TAF4B: variants seen among roughly 807,000 people sequenced by gnomAD.
TAF4B encodes TATA-box binding protein associated factor 4b, also known as transcription initiation factor TFIID subunit 4B.
TAF4B carries 38 observed loss-of-function variants against 86.4 expected under a neutral mutation model. That is an observed-to-expected ratio of 0.44 (90% CI 0.34 to 0.58). The LOEUF is 0.58. TAF4B is among the 20% of genes least tolerant of loss of function. The pLI is 0.02. For synonymous variants in TAF4B, 388 were observed against 391.2 expected, an observed-to-expected ratio of 0.99 and a Z score of 0.10; for missense variants, 988 against 1,027.6, an observed-to-expected ratio of 0.96 and a Z score of 0.53.
intron 1 of TAF4B, among the ~76,000 whole-genome samples, chr18:26,254,345 CT>C (rs541033066): frequency 6.6e-6 from 1 of 151,502 alleles, no homozygotes; most frequent in Non-Finnish European, 1.5e-5. Context: ...GTTGATTTTT[CT>C]TTTTTTTCTC....
chr18:26,254,141 T>C (rs1023507660), intron 1 of TAF4B, among the ~76,000 whole-genome samples: 1 of 151,734 alleles, frequency 6.6e-6, no homozygotes, highest in East Asian at 1.9e-4. Context: ...TTGGCCAGAC[T>C]GGTCTCGAGC....
At chr18:26,328,097 A>C (rs1465337155) in intron 12 of TAF4B, among the ~76,000 whole-genome samples, 1 of 152,172 alleles carries the variant, frequency 6.6e-6, no homozygotes, top group African/African-American at 2.4e-5. Flanking sequence ...AGCGTTCTTG[A>C]TAGCTTCCCT....
chr18:26,290,937 A>C (rs1456516117), intron 7 of TAF4B, among the ~76,000 whole-genome samples: 1 of 152,180 alleles, frequency 6.6e-6, no homozygotes, highest in Non-Finnish European at 1.5e-5. Context: ...ATAGTACATG[A>C]ATATGATCTC....
intron 1 of TAF4B, among the ~76,000 whole-genome samples, chr18:26,250,830 G>A (rs1333761512): frequency 6.6e-6 from 1 of 152,172 alleles, no homozygotes; most frequent in Non-Finnish European, 1.5e-5. Context: ...CTTAAAAAAT[G>A]AAATTTAATA....
intron 9 of TAF4B, among the ~76,000 whole-genome samples, chr18:26,302,658 C>G (rs1007769839): frequency 1.3e-5 from 2 of 152,030 alleles, no homozygotes; most frequent in Non-Finnish European, 2.9e-5. Context: ...CCATCATGCC[C>G]AGCCTATTTG....
chr18:26,291,337 T>C lies in TAF4B; in HGVS notation c.1591-909T>C, dbSNP rs1367869051. Among the ~76,000 whole-genome samples, 3 of 151,932 alleles carry C rather than the reference T, an allele frequency of 2.0e-5. No homozygotes were observed. In the East Asian group the frequency reaches 5.9e-4, roughly 30 times the overall value. On this transcript the variant is annotated intron_variant, in intron 7 of 14. Transcript: ENST00000269142. ...GTGCAGTGGTGCAATCTCAGCTCAC[T>C]GCAGCCTCCGCCTCCTGCTTTCAAG...
chr18:26,285,759 T>G (rs1395349617), intron 6 of TAF4B, 123 bp from the exon 7 acceptor site: 1 of 1,207,678 alleles, frequency 8.3e-7, no homozygotes, highest in Non-Finnish European at 1.2e-6. Context: ...CAAGCTGTCT[T>G]CAACTGAAAT....
At chr18:26,320,914 A>T (rs561484550) in intron 10 of TAF4B, among the ~76,000 whole-genome samples, 156 bp from the exon 11 acceptor site, 68 of 152,302 alleles carry the variant, frequency 4.5e-4, no homozygotes, top group African/African-American at 1.4e-3. Context: ...AATGTCTAAG[A>T]TCTTTGAAGT....
intron 6 of TAF4B, among the ~76,000 whole-genome samples, chr18:26,285,224 T>TTTTCTTTTTTGTTTTTTTTTTTTTTG (rs1555677510): frequency 8.1e-6 from 1 of 122,806 alleles, no homozygotes; most frequent in Non-Finnish European, 1.8e-5. Context: ...TTTTTTTTGT[T>TTTTCTTTTTTGTTTTTTTTTTTTTTG]TTTTTTTTTT....
At chr18:26,241,471 C>T (rs1387421440) in intron 1 of TAF4B, among the ~76,000 whole-genome samples, 1 of 152,124 alleles carries the variant, frequency 6.6e-6, no homozygotes, top group Non-Finnish European at 1.5e-5. Context: ...TGATTCTTCT[C>T]TCTTTTCTTC....
At chr18:26,345,474 T>G (rs1311649809) in intron 13 of TAF4B, among the ~76,000 whole-genome samples, 3 of 152,216 alleles carry the variant, frequency 2.0e-5, no homozygotes, top group African/African-American at 7.2e-5. Flanking sequence ...ACCCACCATT[T>G]GTATGTATAT....
chr18:26,264,907 G>C (rs1395021190), intron 1 of TAF4B, among the ~76,000 whole-genome samples: 1 of 152,104 alleles, frequency 6.6e-6, no homozygotes, highest in African/African-American at 2.4e-5. Context: ...AATTACTGTA[G>C]CTTTATAGAT....
chr18:26,228,297 C>G (rs1183389133), intron 1 of TAF4B, among the ~76,000 whole-genome samples: 1 of 152,110 alleles, frequency 6.6e-6, no homozygotes, highest in African/African-American at 2.4e-5. Flanking sequence ...AGCATTGATT[C>G]AAAAGATTCT....
intron 9 of TAF4B, among the ~76,000 whole-genome samples, chr18:26,298,851 CTTTTTTTTTTT>C (rs56044910): frequency 2.1e-5 from 1 of 46,542 alleles, no homozygotes; most frequent in African/African-American, 9.1e-5. Context: ...AGCCTATTGC[CTTTTTTTTTTT>C]TTTTTTTTTT....
At chr18:26,369,825 GCTAA>G (rs1363043673) in intron 14 of TAF4B, among the ~76,000 whole-genome samples, 1 of 152,192 alleles carries the variant, frequency 6.6e-6, no homozygotes, top group Non-Finnish European at 1.5e-5. Flanking sequence ...CTGGTCAAAT[GCTAA>G]CTAATACAGG....
At chr18:26,327,167 A>G in intron 12 of TAF4B, 27 bp downstream of exon 12, 5 of 1,603,880 alleles carry the variant, frequency 3.1e-6, no homozygotes, top group Non-Finnish European at 4.2e-6. Context: ...TTTATGAGTG[A>G]ATGTGGCCTG....
chr18:26,264,095 A>G (rs1402310716), intron 1 of TAF4B, among the ~76,000 whole-genome samples: 1 of 152,124 alleles, frequency 6.6e-6, no homozygotes, highest in African/African-American at 2.4e-5. Context: ...TGCCTTTGTA[A>G]TAAACAGGTT....
chr18:26,249,170 C>CAAA (rs796850643), intron 1 of TAF4B, among the ~76,000 whole-genome samples: 4 of 112,910 alleles, frequency 3.5e-5, no homozygotes, highest in African/African-American at 6.2e-5. Flanking sequence ...GACTCCATAT[C>CAAA]AAAAAAAAAA....
intron 9 of TAF4B, among the ~76,000 whole-genome samples, chr18:26,306,971 C>T (rs144000729): frequency 0.044 from 6,623 of 151,788 alleles, 199 homozygotes; most frequent in Non-Finnish European, 0.061. Context: ...TTAGTAGTGA[C>T]GGAGTTTCAC....
Sources: allele counts gnomAD v4.1 joint callset (sites outside exome capture counted in the v4.1 genomes callset), GRCh38; gene constraint gnomAD v4.1.1; transcripts MANE v1.5; gene names NCBI Gene and HGNC (gene_info 2026-07-23, HGNC 2026-07-21).